SYT9: variants seen among roughly 807,000 people sequenced by gnomAD.
The protein encoded by SYT9 is synaptotagmin-9.
In SYT9, 22 loss-of-function variants were observed where a neutral mutation model predicts 48.4. The ratio of observed to expected loss-of-function variants is 0.45; its 90% CI spans 0.32 to 0.65. SYT9 has a LOEUF of 0.65. Ranked by LOEUF, SYT9 falls within the 30% of genes least tolerant of loss-of-function variation. SYT9 has a pLI of 0.03. For synonymous variants in SYT9, 265 were observed against 245.0 expected, an observed-to-expected ratio of 1.08 and a Z score of -0.76; for missense variants, 577 against 622.0, an observed-to-expected ratio of 0.93 and a Z score of 0.77.
rs189159928 is a variant in SYT9 at position 7,316,043 on chromosome 11, A to T, written c.1044+2102A>T. On this transcript the variant is annotated intron_variant, in intron 3 of 6. Coordinates refer to ENST00000318881, the MANE Select transcript of SYT9 (RefSeq NM_175733.4). ...CTGCCATATTATTACATTCCATTTT[A>T]AAAAATGTTATTTGGGGTTGTGGGG... Among the ~76,000 whole-genome samples, 1,218 of 136,696 alleles carry T rather than the reference A, an allele frequency of 8.9e-3. 6 individuals carry two copies. Among genetic ancestry groups the T allele is most frequent in the Admixed American group, 0.015 (199 of 13,242 alleles). The allele number at this position is 136,696 out of a possible 152,430, so 89.7% of individuals were successfully genotyped here. A position where few individuals can be genotyped will look rare whatever the true frequency, so the allele number is the denominator to read the frequency against.
At chr11:7,422,151 T>C (rs1425171144) in intron 6 of SYT9, among the ~76,000 whole-genome samples, 2 of 151,986 alleles carry the variant, frequency 1.3e-5, no homozygotes, top group African/African-American at 4.8e-5. Flanking sequence ...GATAGTCAGG[T>C]GAGTCTGGTT....
chr11:7,420,554 T>G lies in SYT9; in HGVS notation c.1386T>G (p.Ala462=). The change falls in exon 6 of 7, where the codon GCT becomes GCG. Residue 462 remains alanine, a synonymous_variant. Coordinates refer to ENST00000318881, the MANE Select transcript of SYT9 (RefSeq NM_175733.4). ...GCGTGTGTCAAGTAGGCAACGAGGC[T>G]GAGAGGCTGGGCAGAGACCACTGGA... ...IIGVCQVGNE[A]ERLGRDHWSE... is the part of the protein sequence containing the mutation. The G allele has an allele frequency of 6.2e-7, 1 of 1,614,158 alleles. No homozygotes were observed. The highest frequency in any genetic ancestry group is 2.2e-5 in the East Asian group (1 of 44,886).
intron 6 of SYT9, among the ~76,000 whole-genome samples, chr11:7,448,547 T>C (rs1847982079): frequency 6.6e-6 from 1 of 152,254 alleles, no homozygotes; most frequent in Admixed American, 6.5e-5. Context: ...CTGTGCTTTA[T>C]TGATTGCAAT....
intron 1 of SYT9, among the ~76,000 whole-genome samples, chr11:7,257,847 C>T (rs1271990633): frequency 2.0e-5 from 3 of 152,106 alleles, no homozygotes; most frequent in African/African-American, 4.8e-5. Flanking sequence ...CTGCGGGACT[C>T]CTCTACATGG....
chr11:7,278,639 CTGT>C (rs1373322473), intron 1 of SYT9, among the ~76,000 whole-genome samples: 1 of 152,134 alleles, frequency 6.6e-6, no homozygotes, highest in South Asian at 2.1e-4. Flanking sequence ...TTGAATATAA[CTGT>C]TGTTGTGTTC....
intron 1 of SYT9, among the ~76,000 whole-genome samples, chr11:7,279,846 G>C (rs1848462439): frequency 6.6e-6 from 1 of 152,116 alleles, no homozygotes; most frequent in Non-Finnish European, 1.5e-5. Context: ...ACATCTAATT[G>C]CCCTGGGTCA....
chr11:7,333,354 C>G (rs1391596307), intron 3 of SYT9, among the ~76,000 whole-genome samples: 1 of 152,172 alleles, frequency 6.6e-6, no homozygotes, highest in African/African-American at 2.4e-5. Flanking sequence ...AGTGCTGGAT[C>G]AAGGGTCAGT....
At chr11:7,281,211 C>A (rs1164327516) in intron 1 of SYT9, among the ~76,000 whole-genome samples, 2 of 152,220 alleles carry the variant, frequency 1.3e-5, no homozygotes, top group African/African-American at 4.8e-5. Context: ...ATAACAGTAT[C>A]ATGTCTGACA....
chr11:7,394,950 G>A (rs116221864), intron 3 of SYT9, among the ~76,000 whole-genome samples: 329 of 152,164 alleles, frequency 2.2e-3, no homozygotes, highest in African/African-American at 7.7e-3. Flanking sequence ...ACATTCAGGA[G>A]CAAGTTGTTT....
intron 3 of SYT9, among the ~76,000 whole-genome samples, chr11:7,367,670 G>A (rs1027100650): frequency 2.0e-5 from 3 of 151,824 alleles, no homozygotes; most frequent in Non-Finnish European, 2.9e-5. Context: ...TTTTTTCTTA[G>A]TAATTTTTAA....
At chr11:7,283,646 C>T (rs1036923749) in intron 1 of SYT9, among the ~76,000 whole-genome samples, 1 of 152,166 alleles carries the variant, frequency 6.6e-6, no homozygotes, top group African/African-American at 2.4e-5. Context: ...TTTCAATTAA[C>T]TGATCCCAAT....
rs779286887 is a variant in SYT9, at chr11:7,252,407, C to A, written c.145+76C>A. On this transcript the variant is annotated intron_variant, in intron 1 of 6. Transcript: ENST00000318881. This position sits in a 1 kb window ranked among gnomAD's most constrained non-coding sequence, Gnocchi z 6.3. Reference sequence around the variant, plus strand: ...CTTGGGGCCGCACCGGGGCCTGAGGCAGAACAGCGACGCGGACTGGGAGAG... The same window carrying A: ...CTTGGGGCCGCACCGGGGCCTGAGGAAGAACAGCGACGCGGACTGGGAGAG... 6.0e-6 allele frequency: 8 copies of A among 1,335,524 alleles called. No homozygotes were observed. The highest frequency in any genetic ancestry group is 7.7e-6 in the Non-Finnish European group (8 of 1,041,886). 82.7% of individuals were successfully genotyped at this position (1,335,524 alleles called of 1,614,324 possible).
At chr11:7,251,077 C>T (rs1224909304), upstream of SYT9, among the ~76,000 whole-genome samples, 1 of 148,582 alleles carries the variant, frequency 6.7e-6, no homozygotes, top group Non-Finnish European at 1.5e-5. Context: ...AGATTATGTA[C>T]CTAAAAGGCT....
chr11:7,444,082 A>G (rs1847884784), intron 6 of SYT9: 1 of 152,222 alleles, frequency 6.6e-6, no homozygotes, highest in African/African-American at 2.4e-5. Flanking sequence ...GGGCTCCTCC[A>G]TCCTCCCTGG....
At chr11:7,291,154 T>C (rs1848690963) in intron 1 of SYT9, among the ~76,000 whole-genome samples, 1 of 152,184 alleles carries the variant, frequency 6.6e-6, no homozygotes, top group Non-Finnish European at 1.5e-5. Flanking sequence ...CTCCTTTTGG[T>C]TGAACTCAAC....
At chr11:7,414,676 T>C (rs1265525822) in intron 3 of SYT9, among the ~76,000 whole-genome samples, 1 of 152,180 alleles carries the variant, frequency 6.6e-6, no homozygotes, top group Non-Finnish European at 1.5e-5. Flanking sequence ...TTATTTACAC[T>C]GGGCAAGCAA....
chr11:7,326,477 T>C (rs1315096963), intron 3 of SYT9, among the ~76,000 whole-genome samples: 1 of 145,030 alleles, frequency 6.9e-6, no homozygotes, highest in Non-Finnish European at 1.5e-5. Flanking sequence ...TATCATTTTT[T>C]ATTGTGCCTA....
At chr11:7,283,341 A>G (rs1848536476) in intron 1 of SYT9, among the ~76,000 whole-genome samples, 1 of 152,102 alleles carries the variant, frequency 6.6e-6, no homozygotes, top group Admixed American at 6.5e-5. Context: ...AAACTGTGAA[A>G]GATTGAAGAC....
chr11:7,407,055 T>A (rs895059262), intron 3 of SYT9, among the ~76,000 whole-genome samples: 1 of 152,140 alleles, frequency 6.6e-6, no homozygotes. Flanking sequence ...TTTGGGTTTT[T>A]AAAAATTTTT....
Sources: allele counts gnomAD v4.1 joint callset (sites outside exome capture counted in the v4.1 genomes callset), GRCh38; gene constraint gnomAD v4.1.1; non-coding constraint Gnocchi (gnomAD v3.1); transcripts MANE v1.5; gene names NCBI Gene and HGNC (gene_info 2026-07-23, HGNC 2026-07-21).